Variants in ELFN2 observed in about 807,000 individuals in gnomAD.
ELFN2 encodes protein phosphatase 1 regulatory subunit 29.
Under a neutral mutation model 45.5 loss-of-function variants are expected in ELFN2, and 17 were observed. The ratio of observed to expected loss-of-function variants is 0.37; its 90% CI spans 0.26 to 0.56. ELFN2 has a LOEUF of 0.56. ELFN2 is among the 20% of genes least tolerant of loss of function. The pLI is 0.77. For missense variants in ELFN2, 922 were observed against 1,183.2 expected (o/e 0.78, Z 3.24); for synonymous variants, 550 against 551.5 (o/e 1.00, Z 0.04).
chr22:37,397,214 T>C (rs1209679328), intron 2 of ELFN2, among the ~76,000 whole-genome samples: 1 of 152,166 alleles, frequency 6.6e-6, no homozygotes, highest in Non-Finnish European at 1.5e-5. Flanking sequence ...AGGGTCACTG[T>C]GTCCCCTCCA....
At chr22:37,418,595 A>T (rs1184696249) in intron 1 of ELFN2, among the ~76,000 whole-genome samples, 5 of 96,778 alleles carry the variant, frequency 5.2e-5, no homozygotes, top group African/African-American at 2.1e-4. Context: ...CCTGACCCCC[A>T]GTGCCCCCAC....
At chr22:37,387,854 C>A (rs1417569499) in intron 2 of ELFN2, among the ~76,000 whole-genome samples, 1 of 151,898 alleles carries the variant, frequency 6.6e-6, no homozygotes, top group African/African-American at 2.4e-5. Context: ...CTGACCACAC[C>A]CAAACCACCG....
chr22:37,406,926 C>T (rs1238410539), intron 2 of ELFN2, among the ~76,000 whole-genome samples: 1 of 152,216 alleles, frequency 6.6e-6, no homozygotes, highest in East Asian at 1.9e-4. Context: ...CTGGACAGCC[C>T]CACCTTCCCA....
At chr22:37,382,033 G>A (rs896189655) in intron 2 of ELFN2, among the ~76,000 whole-genome samples, 56 of 149,954 alleles carry the variant, frequency 3.7e-4, no homozygotes, top group Admixed American at 6.0e-4. Flanking sequence ...CTGTGATGGG[G>A]TGCTCATGAT....
At position 37,372,835 on chromosome 22, in the gene ELFN2, T is replaced by G; in HGVS notation, c.*237A>C. On this transcript the variant is annotated 3_prime_UTR_variant, in exon 3 of 3. Transcript: ENST00000402918. The surrounding 1 kb of genome is among the most constrained non-coding windows in gnomAD (Gnocchi z 4.4). ...TAAAGACGACTGGTTTCGGTATCAG[T>G]TTGTAAACTTTAAGGAAAATGTGTC... 1 of 501,742 alleles carries G rather than the reference T, an allele frequency of 2.0e-6. No individual in the cohort carries two copies. 31.1% of individuals were successfully genotyped at this position (501,742 alleles called of 1,614,324 possible). A position where few individuals can be genotyped will look rare whatever the true frequency, so the allele number is the denominator to read the frequency against.
chr22:37,416,660 G>C (rs1932762532), intron 2 of ELFN2, among the ~76,000 whole-genome samples: 1 of 151,968 alleles, frequency 6.6e-6, no homozygotes, highest in African/African-American at 2.4e-5. Flanking sequence ...CTGTCCACAG[G>C]GGCAGGCAGG....
At chr22:37,426,642 CACACACAA>C (rs1411679627) in intron 1 of ELFN2, among the ~76,000 whole-genome samples, 1 of 125,454 alleles carries the variant, frequency 8.0e-6, no homozygotes, top group East Asian at 2.2e-4. Context: ...CGCTCGCACA[CACACACAA>C]ACACACACAC....
chr22:37,420,761 A>G (rs1255862135), intron 1 of ELFN2, among the ~76,000 whole-genome samples: 2 of 152,240 alleles, frequency 1.3e-5, no homozygotes, highest in East Asian at 3.9e-4. Context: ...TTACAGCAGC[A>G]GTCAACGAAA....
At chr22:37,399,046 G>A (rs1157044443) in intron 2 of ELFN2, among the ~76,000 whole-genome samples, 1 of 152,092 alleles carries the variant, frequency 6.6e-6, no homozygotes, top group Non-Finnish European at 1.5e-5. Flanking sequence ...CTGGCCCGGA[G>A]GGAGCTCAGG....
intron 2 of ELFN2, among the ~76,000 whole-genome samples, chr22:37,409,866 G>T (rs1280429891): frequency 6.6e-6 from 1 of 152,168 alleles, no homozygotes; most frequent in Non-Finnish European, 1.5e-5. Context: ...AGAACAGATG[G>T]TGTACGTGTG....
Position 37,350,545 on chromosome 22 carries a change from C to G in ELFN2, n.149-7842G>C, listed in dbSNP as rs545138236. On this transcript the variant is annotated intron_variant and non_coding_transcript_variant, in intron 1 of 2. Transcript: ENST00000452946. The stretch of plus-strand genomic sequence containing the variant: ...GCAGGCCCTATCCCCTCTTTCCCTG[C>G]CTCCCCACCGCAGGGCCCTAGGCCC... Among the ~76,000 whole-genome samples, 15 of 150,678 alleles carry G rather than the reference C, an allele frequency of 1.0e-4. 3 individuals carry two copies. The highest frequency in any genetic ancestry group is 6.0e-5 in the Non-Finnish European group (4 of 67,120).
chr22:37,374,875 C>T lies in ELFN2; in HGVS notation c.660G>A (p.Glu220=). The change falls in exon 3 of 3, where the codon GAG becomes GAA. Residue 220 remains glutamate (E), a synonymous_variant. Coordinates refer to ENST00000402918, the MANE Select transcript of ELFN2 (RefSeq NM_052906.5). ...YDRLQCESPR[E]FAGYPLLVPR... ...GCACCAGCAGCGGGTAGCCGGCAAA[C>T]TCCCGCGGCGACTCACACTGCAGGC... 4 of 1,610,150 alleles carry T rather than the reference C, an allele frequency of 2.5e-6. 1 individual carries two copies. Among genetic ancestry groups the T allele is most frequent in the South Asian group, 2.2e-5 (2 of 91,064 alleles).
At position 37,404,775 on chromosome 22, in the gene ELFN2, G is replaced by A. The variant is rs1932453116; in HGVS notation, c.-463+12994C>T. On this transcript the variant is annotated intron_variant, in intron 2 of 2. Coordinates refer to ENST00000402918, the MANE Select transcript of ELFN2 (RefSeq NM_052906.5). Reference sequence around the variant, plus strand: ...AGTGGATGCTGGTGCTCAGGAGCCTGCCACATCTGCCTGTGTTCAAAGCCC... The same window carrying A: ...AGTGGATGCTGGTGCTCAGGAGCCTACCACATCTGCCTGTGTTCAAAGCCC... 3.3e-5 allele frequency among the ~76,000 whole-genome samples: 5 copies of A among 152,264 alleles called. No individual in the cohort carries two copies. In the South Asian group the frequency reaches 1.0e-3, roughly 32 times the overall value.
intron 2 of ELFN2, among the ~76,000 whole-genome samples, chr22:37,396,352 G>C (rs139469133): frequency 6.6e-6 from 1 of 152,138 alleles, no homozygotes. Flanking sequence ...CCATGTCCCC[G>C]GCCCCCAACA....
intron 1 of ELFN2, among the ~76,000 whole-genome samples, chr22:37,351,282 C>T (rs550573217): frequency 1.3e-5 from 2 of 150,062 alleles, no homozygotes; most frequent in East Asian, 3.9e-4. Context: ...TCCTCTCCTG[C>T]CCCCACCCCA....
intron 2 of ELFN2, among the ~76,000 whole-genome samples, chr22:37,412,165 C>T (rs968783119): frequency 2.7e-5 from 4 of 150,700 alleles, no homozygotes; most frequent in Admixed American, 2.0e-4. Context: ...GTCAACATGG[C>T]GAAACCTGGT....
chr22:37,397,506 G>A (rs1932245793), intron 2 of ELFN2, among the ~76,000 whole-genome samples: 1 of 152,174 alleles, frequency 6.6e-6, no homozygotes, highest in Non-Finnish European at 1.5e-5. Flanking sequence ...TGCTGGCCCT[G>A]CCCACAGGAC....
chr22:37,406,498 T>A (rs1258454493), intron 2 of ELFN2, among the ~76,000 whole-genome samples: 1 of 151,846 alleles, frequency 6.6e-6, no homozygotes, highest in East Asian at 1.9e-4. Context: ...GTGCCTCCCA[T>A]CCATGCCACC....
intron 1 of ELFN2, among the ~76,000 whole-genome samples, chr22:37,360,720 G>T (rs1931064396): frequency 6.6e-6 from 1 of 152,214 alleles, no homozygotes; most frequent in Non-Finnish European, 1.5e-5. Context: ...AGCTGGGAAA[G>T]CAGGGGCCAA....
Sources: allele counts gnomAD v4.1 joint callset (sites outside exome capture counted in the v4.1 genomes callset), GRCh38; gene constraint gnomAD v4.1.1; non-coding constraint Gnocchi (gnomAD v3.1); transcripts MANE v1.5; gene names NCBI Gene and HGNC (gene_info 2026-07-23, HGNC 2026-07-21).